CNTN1: variants seen among roughly 807,000 people sequenced by gnomAD.
CNTN1 encodes the protein contactin 1.
A neutral mutation model predicts 126.4 loss-of-function variants in CNTN1; 38 were observed. The observed-to-expected ratio is 0.30, with a 90% CI of 0.23 to 0.39. The LOEUF is 0.39. CNTN1 is among the 10% of genes least tolerant of loss of function. The pLI, the probability that CNTN1 is intolerant of heterozygous loss-of-function variation, is 1.00. For missense variants in CNTN1, 1,009 were observed against 1,248.4 expected, an observed-to-expected ratio of 0.81 and a Z score of 2.89; for synonymous variants, 413 against 422.6, an observed-to-expected ratio of 0.98 and a Z score of 0.28.
At chr12:40,925,638 TAG>T (rs796124911) in intron 6 of CNTN1, among the ~76,000 whole-genome samples, 12 of 143,462 alleles carry the variant, frequency 8.4e-5, no homozygotes, top group Admixed American at 1.4e-4. Context: ...TATATATATA[TAG>T]AGAGAGAGAG....
chr12:40,781,483 G>C (rs1213357524), intron 1 of CNTN1, among the ~76,000 whole-genome samples: 2 of 151,786 alleles, frequency 1.3e-5, no homozygotes, highest in African/African-American at 2.4e-5. Context: ...TTTTCCTAAG[G>C]GTTCCATGGG....
intron 1 of CNTN1, among the ~76,000 whole-genome samples, chr12:40,725,467 T>C (rs918546509): frequency 6.6e-6 from 1 of 151,360 alleles, no homozygotes; most frequent in Non-Finnish European, 1.5e-5. Flanking sequence ...ATTTTTTCTC[T>C]TTTTCTCTAT....
rs552602256 is a variant in CNTN1 at position 40,705,685 on chromosome 12, G to T, written c.-77+13093G>T. Reference sequence around the variant, plus strand: ...TCCCATGTTGTGTTAGTCCATTCCTGCATTGCTATAACAAAATACCTGAGA... The same window carrying T: ...TCCCATGTTGTGTTAGTCCATTCCTTCATTGCTATAACAAAATACCTGAGA... On this transcript the variant is annotated intron_variant, in intron 1 of 23. Coordinates refer to ENST00000551295, the MANE Select transcript of CNTN1 (RefSeq NM_001843.4). Among the ~76,000 whole-genome samples, 5 of 152,146 alleles carry T rather than the reference G, an allele frequency of 3.3e-5. No individual in the cohort carries two copies. The East Asian group carries it at 7.7e-4, about 24-fold the overall frequency.
chr12:40,797,846 A>C (rs1940497922), intron 1 of CNTN1, among the ~76,000 whole-genome samples: 1 of 152,056 alleles, frequency 6.6e-6, no homozygotes, highest in South Asian at 2.1e-4. Flanking sequence ...AAACTATGAC[A>C]TCTAAGTGGC....
At chr12:40,889,093 T>C (rs1944153968) in intron 1 of CNTN1, among the ~76,000 whole-genome samples, 1 of 152,242 alleles carries the variant, frequency 6.6e-6, no homozygotes, top group South Asian at 2.1e-4. Flanking sequence ...CCCAGGTTAT[T>C]CTCTGTAAGG....
At chr12:40,873,044 C>T (rs1480501477) in intron 1 of CNTN1, among the ~76,000 whole-genome samples, 2 of 152,060 alleles carry the variant, frequency 1.3e-5, no homozygotes, top group African/African-American at 4.8e-5. Flanking sequence ...TGACACCAAC[C>T]CCATGCTGCT....
intron 15 of CNTN1, among the ~76,000 whole-genome samples, chr12:40,966,850 A>G (rs1262699390): frequency 1.3e-5 from 2 of 152,094 alleles, no homozygotes; most frequent in East Asian, 3.9e-4. Flanking sequence ...AGAAGATACT[A>G]TGTTATGCGC....
chr12:40,928,130 A>G (rs773120528), intron 6 of CNTN1, among the ~76,000 whole-genome samples: 1 of 152,082 alleles, frequency 6.6e-6, no homozygotes, highest in African/African-American at 2.4e-5. Flanking sequence ...GTAAGGAAAT[A>G]CAAAATTTCT....
intron 1 of CNTN1, among the ~76,000 whole-genome samples, chr12:40,753,845 C>T (rs1477177334): frequency 6.6e-6 from 1 of 152,066 alleles, no homozygotes; most frequent in Non-Finnish European, 1.5e-5. Context: ...TCTGGAGCAA[C>T]ATCAAATATG....
At chr12:40,810,469 C>G (rs549834447) in intron 1 of CNTN1, among the ~76,000 whole-genome samples, 1 of 152,094 alleles carries the variant, frequency 6.6e-6, no homozygotes, top group Non-Finnish European at 1.5e-5. Flanking sequence ...CCATGTTTTA[C>G]GTGAGGTCTC....
At chr12:41,019,934 T>G (rs979983080) in intron 19 of CNTN1, among the ~76,000 whole-genome samples, 18 of 152,152 alleles carry the variant, frequency 1.2e-4, no homozygotes, top group Admixed American at 1.2e-3. Flanking sequence ...CAGCTAAATA[T>G]TAATAATTTT....
chr12:41,069,037 A>T (rs1042737234), intron 23 of CNTN1, among the ~76,000 whole-genome samples: 4 of 152,186 alleles, frequency 2.6e-5, no homozygotes, highest in Admixed American at 2.0e-4. Flanking sequence ...AGTGCCTAAT[A>T]GTTGTGGACA....
At chr12:40,702,758 C>T (rs7971895) in intron 1 of CNTN1, among the ~76,000 whole-genome samples, 5 of 152,296 alleles carry the variant, frequency 3.3e-5, no homozygotes, top group African/African-American at 4.8e-5. Context: ...ATGCTATATA[C>T]GGTGTTCTGC....
chr12:40,884,665 C>T (rs894607509), intron 1 of CNTN1, among the ~76,000 whole-genome samples: 3 of 151,346 alleles, frequency 2.0e-5, no homozygotes, highest in Non-Finnish European at 4.4e-5. Context: ...ATATATACAG[C>T]ATTAAGTTGC....
chr12:40,925,619 A>G (rs1367110185), intron 6 of CNTN1, among the ~76,000 whole-genome samples: 1 of 145,174 alleles, frequency 6.9e-6, no homozygotes, highest in East Asian at 2.0e-4. Flanking sequence ...GTATATATAT[A>G]TATACACATA....
At chr12:40,716,287 C>CCT (rs1266643956) in intron 1 of CNTN1, among the ~76,000 whole-genome samples, 1 of 150,826 alleles carries the variant, frequency 6.6e-6, no homozygotes, top group Non-Finnish European at 1.5e-5. Context: ...TCCTTTCCTT[C>CCT]CTCTCTCTCC....
In CNTN1 at chr12:40,918,345, G is replaced by A. The variant is rs1372543; in HGVS notation, c.95-294G>A. On this transcript the variant is annotated intron_variant, in intron 3 of 23. Transcript: ENST00000551295. ...GTAGAATGATGATTCTAGGAAAACC[G>A]AAAGCATATGCGGAGGCTCAGGGGC... is the stretch of plus-strand genomic sequence containing the variant. 0.062 allele frequency among the ~76,000 whole-genome samples: 9,419 copies of A among 152,074 alleles called. 515 individuals carry two copies. Among genetic ancestry groups the A allele is most frequent in the Admixed American group, 0.16 (2,501 of 15,252 alleles).
intron 1 of CNTN1, among the ~76,000 whole-genome samples, chr12:40,743,161 A>G (rs1938021642): frequency 6.6e-6 from 1 of 152,050 alleles, no homozygotes; most frequent in Non-Finnish European, 1.5e-5. Flanking sequence ...TGAGGTATTC[A>G]CAAGCAATGG....
chr12:40,978,368 TTCCCAC>T (rs1947737527), intron 15 of CNTN1, among the ~76,000 whole-genome samples: 1 of 151,868 alleles, frequency 6.6e-6, no homozygotes, highest in Non-Finnish European at 1.5e-5. Context: ...CCGAGTAAAA[TTCCCAC>T]ACCAGGGTTT....
Sources: allele counts gnomAD v4.1 joint callset (sites outside exome capture counted in the v4.1 genomes callset), GRCh38; gene constraint gnomAD v4.1.1; transcripts MANE v1.5; gene names NCBI Gene and HGNC (gene_info 2026-07-23, HGNC 2026-07-21).